The following TSHZ2 variants were observed in gnomAD, a reference collection of about 807,000 sequenced individuals.
The protein encoded by TSHZ2 is teashirt homolog 2.
In TSHZ2, 21 loss-of-function variants were observed where a neutral mutation model predicts 74.4. That is an observed-to-expected ratio of 0.28 (90% CI 0.20 to 0.41). TSHZ2 has a LOEUF of 0.41. Ranked by LOEUF, TSHZ2 falls within the 10% of genes least tolerant of loss-of-function variation. The probability of loss-of-function intolerance (pLI) is 1.00; values close to 1 mark genes in which losing one functional copy is unlikely to be tolerated. For synonymous variants in TSHZ2, 540 were observed against 515.3 expected (o/e 1.05, Z -0.65); for missense variants, 1,244 against 1,293.5 (o/e 0.96, Z 0.59).
At chr20:53,006,293 A>C (rs1221346403) in intron 1 of TSHZ2, among the ~76,000 whole-genome samples, 1 of 152,256 alleles carries the variant, frequency 6.6e-6, no homozygotes, top group African/African-American at 2.4e-5. Context: ...GTTAAGAAAA[A>C]AAGTGATATT....
intron 1 of TSHZ2, among the ~76,000 whole-genome samples, chr20:53,148,019 G>T (rs917748329): frequency 2.0e-5 from 3 of 152,096 alleles, no homozygotes; most frequent in African/African-American, 4.8e-5. Flanking sequence ...CGGCCAGTGG[G>T]TCTATGTCTT....
chr20:53,218,653 G>A (rs148245568), intron 1 of TSHZ2, among the ~76,000 whole-genome samples: 2,135 of 152,226 alleles, frequency 0.014, 19 homozygotes, highest in Non-Finnish European at 0.02. Context: ...TTGTCTCCCT[G>A]AGGCCAAACA....
chr20:53,462,475 G>C (rs1447693176), intron 2 of TSHZ2, among the ~76,000 whole-genome samples: 1 of 152,154 alleles, frequency 6.6e-6, no homozygotes, highest in Non-Finnish European at 1.5e-5. Context: ...GGTCAATAAA[G>C]CTTTTGTTGT....
At chr20:53,328,507 G>A (rs771495284) in intron 2 of TSHZ2, among the ~76,000 whole-genome samples, 10 of 152,174 alleles carry the variant, frequency 6.6e-5, no homozygotes, top group Admixed American at 1.3e-4. Flanking sequence ...GATGTGAACC[G>A]TCCGGAACAT....
chr20:53,256,377 G>A lies in TSHZ2; in HGVS notation c.2919G>A (p.Arg973=). ...QQSKVEQEIS[R]VSSAQRSPET... ...GCAAGGTGGAGCAAGAGATCTCCCG[G>A]GTATCGTCGGCTCAGAGGTCTCCAG... is the stretch of plus-strand genomic sequence containing the variant. Residue 973 remains arginine (R), a synonymous_variant, in exon 2 of 3, where the codon CGG becomes CGA. Coordinates refer to ENST00000371497, the MANE Select transcript of TSHZ2 (RefSeq NM_173485.6). This position sits in a 1 kb window ranked among gnomAD's most constrained non-coding sequence, Gnocchi z 4.3. 1 of 1,613,032 alleles carries A rather than the reference G, an allele frequency of 6.2e-7. No homozygotes were observed. The highest frequency in any genetic ancestry group is 8.5e-7 in the Non-Finnish European group (1 of 1,179,092).
intron 1 of TSHZ2, among the ~76,000 whole-genome samples, chr20:53,095,368 C>T (rs1455393924): frequency 1.3e-5 from 2 of 152,110 alleles, no homozygotes; most frequent in Non-Finnish European, 2.9e-5. Context: ...TGTGCTTGTG[C>T]CAGGCTCAAC....
chr20:53,203,880 T>C (rs79236545), intron 1 of TSHZ2, among the ~76,000 whole-genome samples: 2,547 of 152,142 alleles, frequency 0.017, 32 homozygotes, highest in Non-Finnish European at 0.03. Context: ...TCAAGCGGTA[T>C]GTCCCACATA....
chr20:53,342,079 G>A (rs190307511), intron 2 of TSHZ2, among the ~76,000 whole-genome samples: 163 of 152,212 alleles, frequency 1.1e-3, no homozygotes, highest in Non-Finnish European at 1.9e-3. Flanking sequence ...CCCACACCCA[G>A]TTTCCCCTAT....
intron 2 of TSHZ2, among the ~76,000 whole-genome samples, chr20:53,257,463 T>A (rs1185690444): frequency 1.3e-5 from 2 of 152,218 alleles, no homozygotes; most frequent in African/African-American, 4.8e-5. Context: ...CCTTATATAG[T>A]CAACCATGCC....
intron 2 of TSHZ2, among the ~76,000 whole-genome samples, chr20:53,368,332 C>T (rs916390727): frequency 1.3e-5 from 2 of 151,730 alleles, no homozygotes; most frequent in African/African-American, 2.4e-5. Context: ...GGTTTTGATA[C>T]GGAAGCTCCC....
In TSHZ2 at chr20:53,488,524, T is replaced by C. The variant is rs1003513376; in HGVS notation, c.*1389T>C. ...ACAATTGAAAGCAACCTATAATAGA[T>C]AAATCCATCATTGCATTTAAACAAT... On this transcript the variant is annotated 3_prime_UTR_variant, in exon 3 of 3. Transcript: ENST00000371497. 1.8e-5 allele frequency: 3 copies of C among 167,654 alleles called. No homozygotes were observed. The highest frequency in any genetic ancestry group is 1.2e-4 in the Admixed American group (2 of 17,126). The allele number at this position is 167,654 out of a possible 1,614,324, so 10.4% of individuals were successfully genotyped here. A position where few individuals can be genotyped will look rare whatever the true frequency, so the allele number is the denominator to read the frequency against.
intron 1 of TSHZ2, among the ~76,000 whole-genome samples, chr20:53,023,196 T>C (rs1229493251): frequency 6.6e-6 from 1 of 152,230 alleles, no homozygotes; most frequent in African/African-American, 2.4e-5. Flanking sequence ...TTGGGTGTAT[T>C]GTTTCACCTT....
intron 2 of TSHZ2, among the ~76,000 whole-genome samples, chr20:53,444,109 A>G (rs967129503): frequency 2.0e-5 from 3 of 152,178 alleles, no homozygotes; most frequent in African/African-American, 7.2e-5. Context: ...AAGTCACCCT[A>G]TGTTTGAACA....
At chr20:53,219,753 A>G (rs868208156) in intron 1 of TSHZ2, among the ~76,000 whole-genome samples, 1 of 152,186 alleles carries the variant, frequency 6.6e-6, no homozygotes, top group Non-Finnish European at 1.5e-5. Flanking sequence ...GTATTACTAG[A>G]TCCTCAAATT....
At chr20:53,397,312 G>A (rs1199041433) in intron 2 of TSHZ2, among the ~76,000 whole-genome samples, 7 of 152,210 alleles carry the variant, frequency 4.6e-5, no homozygotes, top group East Asian at 1.9e-4. Flanking sequence ...ACAAGTGGGC[G>A]AAGGATATGA....
intron 1 of TSHZ2, among the ~76,000 whole-genome samples, chr20:53,248,836 T>TCATTA (rs1990263376): frequency 6.6e-6 from 1 of 152,136 alleles, no homozygotes; most frequent in Admixed American, 6.5e-5. Flanking sequence ...TGGTATTATT[T>TCATTA]CATTTCATTT....
chr20:53,114,810 T>G (rs543812857), intron 1 of TSHZ2, among the ~76,000 whole-genome samples: 5 of 150,986 alleles, frequency 3.3e-5, no homozygotes, highest in East Asian at 1.9e-4. Flanking sequence ...ATGCCTGGGG[T>G]GTGTGTGTGT....
intron 2 of TSHZ2, among the ~76,000 whole-genome samples, chr20:53,267,770 A>C (rs958546949): frequency 2.6e-5 from 4 of 152,250 alleles, no homozygotes; most frequent in Non-Finnish European, 5.9e-5. Context: ...ATCAACACTG[A>C]TATTTATTGA....
At chr20:53,038,831 T>C (rs1311611915) in intron 1 of TSHZ2, among the ~76,000 whole-genome samples, 1 of 151,570 alleles carries the variant, frequency 6.6e-6, no homozygotes, top group African/African-American at 2.4e-5. Context: ...ACAAAGTTCT[T>C]CTGGGTCCAA....
Sources: gnomAD v4.1 joint callset for allele counts (sites outside exome capture counted in the v4.1 genomes callset) on GRCh38, gnomAD v4.1.1 for gene constraint, Gnocchi (gnomAD v3.1) non-coding constraint, MANE v1.5 for transcripts, NCBI Gene and HGNC (gene_info 2026-07-23, HGNC 2026-07-21) for gene names.